The following CNTNAP2 variants were observed in gnomAD, a reference collection of about 807,000 sequenced individuals.
The protein encoded by CNTNAP2 is contactin-associated protein-like 2.
A neutral mutation model predicts 155.2 loss-of-function variants in CNTNAP2; 98 were observed. That is an observed-to-expected ratio of 0.63 (90% CI 0.54 to 0.75). CNTNAP2 has a LOEUF of 0.75. Among genes scored for constraint, CNTNAP2 ranks in the 30% least tolerant of loss-of-function variants. The pLI is 0.00. For synonymous variants in CNTNAP2, 651 were observed against 631.2 expected, an observed-to-expected ratio of 1.03 and a Z score of -0.47; for missense variants, 1,727 against 1,688.1, an observed-to-expected ratio of 1.02 and a Z score of -0.40.
At chr7:146,779,899 G>A in intron 2 of CNTNAP2, among the ~76,000 whole-genome samples, 1 of 152,288 alleles carries the variant, frequency 6.6e-6, no homozygotes, top group Admixed American at 6.5e-5. Context: ...GTGAATAACA[G>A]ATGTTTGGAG....
chr7:146,956,557 G>A (rs1797442248), intron 3 of CNTNAP2, among the ~76,000 whole-genome samples: 1 of 152,130 alleles, frequency 6.6e-6, no homozygotes, highest in Non-Finnish European at 1.5e-5. Flanking sequence ...CAAAGAGAGG[G>A]AAAATTTTAA....
chr7:147,866,932 C>T (rs1216701830), intron 13 of CNTNAP2, among the ~76,000 whole-genome samples: 2 of 152,098 alleles, frequency 1.3e-5, no homozygotes, highest in Non-Finnish European at 2.9e-5. Context: ...TTAACTGGGG[C>T]TTTTAGCCCA....
At chr7:146,935,554 A>T (rs1796896536) in intron 3 of CNTNAP2, among the ~76,000 whole-genome samples, 1 of 152,176 alleles carries the variant, frequency 6.6e-6, no homozygotes. Flanking sequence ...CATGGTTTGG[A>T]GTAAAAGAAG....
At chr7:147,643,602 T>C (rs1563036052) in intron 13 of CNTNAP2, 1 of 152,226 alleles carries the variant, frequency 6.6e-6, no homozygotes, top group Non-Finnish European at 1.5e-5. Context: ...TTACTTATTC[T>C]TAACTAAGAC....
At chr7:147,251,987 G>A (rs1584820833) in intron 8 of CNTNAP2, among the ~76,000 whole-genome samples, 1 of 152,204 alleles carries the variant, frequency 6.6e-6, no homozygotes, top group East Asian at 1.9e-4. Flanking sequence ...CAAGGAGTAA[G>A]AATCTTTGGG....
intron 15 of CNTNAP2, among the ~76,000 whole-genome samples, chr7:148,073,776 T>C (rs1803424925): frequency 6.6e-6 from 1 of 152,088 alleles, no homozygotes; most frequent in African/African-American, 2.4e-5. Flanking sequence ...ATGTGTTTTT[T>C]TTTTCAATAA....
intron 1 of CNTNAP2, among the ~76,000 whole-genome samples, chr7:146,438,764 T>C (rs1724485): frequency 0.037 from 5,624 of 151,516 alleles, 594 homozygotes; most frequent in African/African-American, 0.13. Context: ...TTCTAAAAGA[T>C]TAAGATAGGT....
At chr7:147,454,347 C>A (rs1797885041) in intron 10 of CNTNAP2, among the ~76,000 whole-genome samples, 1 of 152,126 alleles carries the variant, frequency 6.6e-6, no homozygotes, top group Non-Finnish European at 1.5e-5. Flanking sequence ...CAAGGTTATG[C>A]ATTCCTCTTG....
At chr7:146,265,634 T>A (rs1799983499) in intron 1 of CNTNAP2, among the ~76,000 whole-genome samples, 1 of 151,848 alleles carries the variant, frequency 6.6e-6, no homozygotes, top group African/African-American at 2.4e-5. Context: ...AATTTTTGTA[T>A]TTTTTTATAG....
chr7:146,265,153 T>C (rs529287838), intron 1 of CNTNAP2, among the ~76,000 whole-genome samples: 4 of 152,336 alleles, frequency 2.6e-5, no homozygotes, highest in African/African-American at 9.6e-5. Flanking sequence ...ACGCTCGTAT[T>C]ACATATATCT....
At chr7:147,003,473 C>T (rs1399729698) in intron 3 of CNTNAP2, among the ~76,000 whole-genome samples, 2 of 151,116 alleles carry the variant, frequency 1.3e-5, no homozygotes, top group Non-Finnish European at 3.0e-5. Flanking sequence ...TATTATTAAA[C>T]CAAAAAAGGC....
intron 1 of CNTNAP2, among the ~76,000 whole-genome samples, chr7:146,557,607 A>G (rs1798216273): frequency 6.6e-6 from 1 of 152,112 alleles, no homozygotes; most frequent in Non-Finnish European, 1.5e-5. Context: ...CTTATGAGAA[A>G]TTTCCATTGG....
chr7:146,552,811 T>C (rs1798141971), intron 1 of CNTNAP2, among the ~76,000 whole-genome samples: 1 of 152,074 alleles, frequency 6.6e-6, no homozygotes, highest in Non-Finnish European at 1.5e-5. Context: ...CTCCCGACAT[T>C]GTACATACAT....
intron 10 of CNTNAP2, among the ~76,000 whole-genome samples, chr7:147,477,175 C>G (rs62481261): frequency 0.2 from 30,945 of 151,834 alleles, 3,422 homozygotes; most frequent in East Asian, 0.36. Flanking sequence ...ATATAGTTTA[C>G]AATTATTCTA....
chr7:146,560,489 T>C (rs1219288052), intron 1 of CNTNAP2, among the ~76,000 whole-genome samples: 2 of 152,024 alleles, frequency 1.3e-5, no homozygotes, highest in African/African-American at 2.4e-5. Flanking sequence ...TATATATATA[T>C]TTGGCTAAGA....
chr7:147,335,097 T>C (rs937692233), intron 9 of CNTNAP2, among the ~76,000 whole-genome samples: 2 of 152,182 alleles, frequency 1.3e-5, no homozygotes, highest in African/African-American at 2.4e-5. Flanking sequence ...TAGTAGGTAT[T>C]CAGTTTATAT....
At chr7:147,083,387 T>C (rs1430596490) in intron 4 of CNTNAP2, among the ~76,000 whole-genome samples, 1 of 151,830 alleles carries the variant, frequency 6.6e-6, no homozygotes, top group Non-Finnish European at 1.5e-5. Context: ...TTCTAGTGAT[T>C]TGGAGAAGTA....
At chr7:148,205,352 A>G (rs972620097) in intron 18 of CNTNAP2, among the ~76,000 whole-genome samples, 8 of 152,398 alleles carry the variant, frequency 5.2e-5, no homozygotes, top group African/African-American at 1.9e-4. Context: ...TATAATTTCT[A>G]AAAGCAGTCT....
At chr7:147,780,474 C>G (rs977596327) in intron 13 of CNTNAP2, among the ~76,000 whole-genome samples, 1 of 152,070 alleles carries the variant, frequency 6.6e-6, no homozygotes, top group African/African-American at 2.4e-5. Flanking sequence ...AGATCTACAT[C>G]TAGCCACAGA....
Sources: allele counts gnomAD v4.1 joint callset (sites outside exome capture counted in the v4.1 genomes callset), GRCh38; gene constraint gnomAD v4.1.1; transcripts MANE v1.5; gene names NCBI Gene and HGNC (gene_info 2026-07-23, HGNC 2026-07-21).